Variants in AFF3 observed in about 807,000 individuals in gnomAD.
AFF3 encodes the protein AF4/FMR2 family member 3.
A neutral mutation model predicts 129.7 loss-of-function variants in AFF3; 32 were observed. The observed-to-expected ratio is 0.25, with a 90% CI of 0.19 to 0.33. The LOEUF is 0.33. Ranked by LOEUF, AFF3 falls within the 10% of genes least tolerant of loss-of-function variation. The probability of loss-of-function intolerance (pLI) is 1.00; values close to 1 mark genes in which losing one functional copy is unlikely to be tolerated. For synonymous variants in AFF3, 644 were observed against 635.4 expected, an observed-to-expected ratio of 1.01 and a Z score of -0.20; for missense variants, 1,373 against 1,592.0, an observed-to-expected ratio of 0.86 and a Z score of 2.34.
chr2:100,061,987 G>A lies in AFF3; in HGVS notation c.53+42415C>T, dbSNP rs1052711630. Among the ~76,000 whole-genome samples, 3 of 152,314 alleles carry A rather than the reference G, an allele frequency of 2.0e-5. 1 individual carries two copies. Among genetic ancestry groups the A allele is most frequent in the Middle Eastern group, 6.8e-3 (2 of 294 alleles). ...GCAGCTGGTACACAGCTAAAAGATA[G>A]AGGCTAGCTAAAATTGCACTGGGAA... On this transcript the variant is annotated intron_variant, in intron 4 of 24. Transcript: ENST00000672756.
rs1687211876 is a variant in AFF3, at chr2:100,060,809, C to T, written c.53+43593G>A. Reference sequence around the variant, plus strand: ...ATGATACTATTGACTACACGCTACACTTTCTTTGGATTTCACAACTTTTTT... The same window carrying T: ...ATGATACTATTGACTACACGCTACATTTTCTTTGGATTTCACAACTTTTTT... On this transcript the variant is annotated intron_variant, in intron 4 of 24. Transcript: ENST00000672756. Among the ~76,000 whole-genome samples, 7 of 152,240 alleles carry T rather than the reference C, an allele frequency of 4.6e-5. No individual in the cohort carries two copies. In the South Asian group the frequency reaches 1.5e-3, roughly 32 times the overall value.
In AFF3 at chr2:99,578,405, C is replaced by G. The variant is rs780881591; in HGVS notation, c.2840G>C (p.Arg947Pro). The stretch of plus-strand genomic sequence containing the variant: ...TGGAGACCACGGCTTCGTCTGCGGC[C>G]GTGACTTGTGGAGGGGAATGTTTTC... ...NSENIPLHKS[R>P]PQTKPWSPGS... Residue 947 changes from arginine to proline, a missense_variant, in exon 18 of 25, where the codon CGG becomes CCG. Physicochemically the swap from Arg to Pro is moderately radical, Grantham distance 103. Around this residue, in one of 9 missense-constraint regions of AFF3, gnomAD observed 466 missense variants for 505.0 expected, o/e 0.92. Coordinates refer to ENST00000672756, the MANE Select transcript of AFF3 (RefSeq NM_001386135.1). The G allele has an allele frequency of 8.7e-6, 14 of 1,611,226 alleles. No individual in the cohort carries two copies. In the South Asian group the frequency reaches 1.6e-4, roughly 18 times the overall value.
intron 4 of AFF3, among the ~76,000 whole-genome samples, chr2:100,039,557 T>TA (rs899734541): frequency 2.9e-4 from 44 of 150,382 alleles, no homozygotes; most frequent in Admixed American, 1.1e-3. Flanking sequence ...AACTCCTCTC[T>TA]AAAAAAAAAC....
chr2:99,998,409 G>A (rs530055103), intron 7 of AFF3, among the ~76,000 whole-genome samples: 1 of 152,162 alleles, frequency 6.6e-6, no homozygotes, highest in African/African-American at 2.4e-5. Flanking sequence ...GCCTCAGCAG[G>A]GATGCCACAG....
intron 10 of AFF3, among the ~76,000 whole-genome samples, chr2:99,734,059 T>C (rs750102818): frequency 1.3e-5 from 2 of 152,206 alleles, no homozygotes; most frequent in Non-Finnish European, 2.9e-5. Context: ...TTCATGTACT[T>C]GGTATTAGGC....
intron 2 of AFF3, among the ~76,000 whole-genome samples, chr2:100,119,413 A>T (rs1225772422): frequency 1.3e-5 from 2 of 152,176 alleles, no homozygotes; most frequent in Non-Finnish European, 2.9e-5. Flanking sequence ...GCTCATTTAA[A>T]CATCAGTAAC....
At chr2:99,626,390 TC>T (rs1458566159) in intron 13 of AFF3, among the ~76,000 whole-genome samples, 2 of 127,252 alleles carry the variant, frequency 1.6e-5, no homozygotes, top group Non-Finnish European at 3.3e-5. Context: ...CTCCCTCCCT[TC>T]TTCCTCCCTT....
intron 7 of AFF3, among the ~76,000 whole-genome samples, chr2:99,899,747 G>A (rs1016667576): frequency 1.1e-4 from 17 of 152,150 alleles, no homozygotes; most frequent in African/African-American, 4.1e-4. Context: ...CAAAGTCTGA[G>A]CCACATGGCC....
intron 7 of AFF3, among the ~76,000 whole-genome samples, chr2:99,959,549 TCA>T (rs1677019465): frequency 6.6e-6 from 1 of 151,642 alleles, no homozygotes; most frequent in Non-Finnish European, 1.5e-5. Context: ...AATGTTCTCA[TCA>T]CAGTTAGGAA....
At position 100,107,729 on chromosome 2, in the gene AFF3, C is replaced by A. The variant is rs983505918; in HGVS notation, c.-144-2146G>T. ...TAAATGTACCAAAGAAAGGGACTAA[C>A]AAATGAATCCTGCTCAGTCTGGGGC... is the stretch of plus-strand genomic sequence containing the variant. On this transcript the variant is annotated intron_variant, in intron 2 of 24. Transcript: ENST00000672756. 3.9e-5 allele frequency among the ~76,000 whole-genome samples: 6 copies of A among 152,104 alleles called. 1 individual carries two copies. The South Asian group carries it at 1.2e-3, about 32-fold the overall frequency.
rs1006415458 is a variant in AFF3 at position 99,882,138 on chromosome 2, C to T, written c.874-44614G>A. Among the ~76,000 whole-genome samples, 6 of 151,984 alleles carry T rather than the reference C, an allele frequency of 3.9e-5. No individual in the cohort carries two copies. The South Asian group carries it at 1.0e-3, about 26-fold the overall frequency. On this transcript the variant is annotated intron_variant, in intron 7 of 24. Coordinates refer to ENST00000672756, the MANE Select transcript of AFF3 (RefSeq NM_001386135.1). ...TCACTGCAACCCATAAATCATTCTT[C>T]GCATTCTTTGGCTGTTCCTGCTTAT...
intron 4 of AFF3, among the ~76,000 whole-genome samples, chr2:100,021,697 G>A (rs186813383): frequency 6.6e-6 from 1 of 152,150 alleles, no homozygotes; most frequent in Admixed American, 6.5e-5. Context: ...ATCTAAAAAT[G>A]ATACAAGATC....
At chr2:99,925,931 GA>G (rs1225066392) in intron 7 of AFF3, among the ~76,000 whole-genome samples, 1 of 152,198 alleles carries the variant, frequency 6.6e-6, no homozygotes, top group Non-Finnish European at 1.5e-5. Flanking sequence ...TATGGATCAG[GA>G]ACCAATAATG....
chr2:100,079,799 G>C (rs1238765238), intron 4 of AFF3, among the ~76,000 whole-genome samples: 5 of 152,134 alleles, frequency 3.3e-5, no homozygotes. Context: ...CAGGGTACAA[G>C]AAAGGTCTGA....
At chr2:100,050,851 C>T (rs547897003) in intron 4 of AFF3, among the ~76,000 whole-genome samples, 1 of 152,324 alleles carries the variant, frequency 6.6e-6, no homozygotes, top group Non-Finnish European at 1.5e-5. Flanking sequence ...ATGCTGACAA[C>T]CTCTTCTGGG....
chr2:99,877,004 A>G (rs558426325), intron 7 of AFF3, among the ~76,000 whole-genome samples: 1 of 152,306 alleles, frequency 6.6e-6, no homozygotes, highest in African/African-American at 2.4e-5. Context: ...GTTGCTGGAC[A>G]TAAGGGCAGG....
chr2:100,008,771 A>C, intron 5 of AFF3, 41 bp downstream of exon 5: 1 of 1,602,278 alleles, frequency 6.2e-7, no homozygotes, highest in East Asian at 2.2e-5. Flanking sequence ...GAGTGAGAGA[A>C]ACAAGTGAGA....
chr2:99,805,978 AT>A (rs1164169619), intron 8 of AFF3, among the ~76,000 whole-genome samples: 2 of 152,250 alleles, frequency 1.3e-5, no homozygotes, highest in Non-Finnish European at 2.9e-5. Context: ...CATAAAGATC[AT>A]TCTCAAATGA....
Position 99,594,193 on chromosome 2 carries a change from C to T in AFF3, c.1468G>A (p.Gly490Arg), listed in dbSNP as rs776626905. ...PPILIQNESH[G>R]SESNQYYNPV... Reference sequence around the variant, plus strand: ...TTGTAGTACTGATTGCTCTCTGACCCGTGGCTTTCATTTTGGATCAGAATA... The same window carrying T: ...TTGTAGTACTGATTGCTCTCTGACCTGTGGCTTTCATTTTGGATCAGAATA... The change falls in exon 15 of 25, where the codon GGG (glycine) becomes AGG (arginine). Residue 490 changes from glycine (G) to arginine (R), a missense_variant. By Grantham distance (125) the Gly-to-Arg change is moderately radical. Around this residue, in one of 9 missense-constraint regions of AFF3, gnomAD observed 413 missense variants for 424.4 expected, o/e 0.97. Transcript: ENST00000672756. The T allele has an allele frequency of 9.9e-6, 16 of 1,613,978 alleles. No homozygotes were observed. Among genetic ancestry groups the T allele is most frequent in the African/African-American group, 1.3e-5 (1 of 74,920 alleles).
Sources: gnomAD v4.1 joint callset for allele counts (sites outside exome capture counted in the v4.1 genomes callset) on GRCh38, gnomAD v4.1.1 for gene constraint, gnomAD v4.1.1 regional missense constraint, MANE v1.5 for transcripts, NCBI Gene and HGNC (gene_info 2026-07-23, HGNC 2026-07-21) for gene names.